The following MYO7A variants were observed in gnomAD, a reference collection of about 807,000 sequenced individuals.
MYO7A encodes the protein myosin VIIA.
Under a neutral mutation model 263.8 loss-of-function variants are expected in MYO7A, and 210 were observed. The ratio of observed to expected loss-of-function variants is 0.80; its 90% CI spans 0.71 to 0.89. The LOEUF (loss-of-function observed/expected upper bound fraction) is 0.89. MYO7A is among the 40% of genes least tolerant of loss of function. MYO7A has a pLI of 0.00. For synonymous variants in MYO7A, 1,239 were observed against 1,197.3 expected (o/e 1.03, Z -0.72); for missense variants, 2,820 against 2,968.3 (o/e 0.95, Z 1.16).
chr11:77,193,172 G>A (rs981909235), intron 31 of MYO7A, among the ~76,000 whole-genome samples: 2 of 150,258 alleles, frequency 1.3e-5, no homozygotes, highest in Non-Finnish European at 1.5e-5. Flanking sequence ...TGTTGGTGAT[G>A]GTGGAGGTAG....
intron 2 of MYO7A, among the ~76,000 whole-genome samples, chr11:77,133,035 G>A (rs782503072): frequency 2.0e-5 from 3 of 152,150 alleles, no homozygotes; most frequent in Non-Finnish European, 2.9e-5. Context: ...TGCCCTGGAG[G>A]AGTTCCCAGA....
Position 77,174,821 on chromosome 11 carries a change from C to A in MYO7A, c.2001C>A (p.Ile667=), listed in dbSNP as rs782026699. 1 of 1,613,318 alleles carries A rather than the reference C, an allele frequency of 6.2e-7. No individual in the cohort carries two copies. Among genetic ancestry groups the A allele is most frequent in the African/African-American group, 1.3e-5 (1 of 75,060 alleles). The change falls in exon 17 of 49, where the codon ATC becomes ATA. Residue 667 remains isoleucine, a synonymous_variant. Transcript: ENST00000409709. ...CAGGAATGATGGAGACCATCCGAAT[C>A]CGCCGAGCTGGCTACCCCATCCGCT... is the stretch of plus-strand genomic sequence containing the variant. ...RYSGMMETIR[I]RRAGYPIRYS... is the part of the protein sequence containing the mutation.
At chr11:77,131,701 T>C (rs1555046108) in intron 2 of MYO7A, among the ~76,000 whole-genome samples, 1 of 152,154 alleles carries the variant, frequency 6.6e-6, no homozygotes, top group Non-Finnish European at 1.5e-5. Context: ...CACCCCCTCC[T>C]CTCCTGCCCC....
At chr11:77,133,981 G>A (rs1950841886) in intron 2 of MYO7A, among the ~76,000 whole-genome samples, 2 of 152,158 alleles carry the variant, frequency 1.3e-5, no homozygotes, top group South Asian at 4.1e-4. Context: ...CCATGCTGGA[G>A]TGCAATGACA....
intron 2 of MYO7A, among the ~76,000 whole-genome samples, chr11:77,132,678 G>C (rs918428642): frequency 6.6e-6 from 1 of 152,010 alleles, no homozygotes; most frequent in African/African-American, 2.4e-5. Context: ...TAATAAAGAC[G>C]GGGTTTCACC....
intron 4 of MYO7A, among the ~76,000 whole-genome samples, chr11:77,154,967 C>G (rs1952309232): frequency 1.3e-5 from 2 of 152,274 alleles, no homozygotes; most frequent in South Asian, 4.1e-4. Flanking sequence ...ATGCACTGAG[C>G]CCTGAATGGG....
At chr11:77,131,277 A>G (rs1354207535) in intron 2 of MYO7A, among the ~76,000 whole-genome samples, 1 of 152,206 alleles carries the variant, frequency 6.6e-6, no homozygotes, top group Non-Finnish European at 1.5e-5. Flanking sequence ...AGCAGGCCGT[A>G]GGGCTTGTGG....
Position 77,155,911 on chromosome 11 carries a change from A to C in MYO7A, c.290A>C (p.Tyr97Ser). 6.2e-7 allele frequency: 1 copy of C among 1,601,010 alleles called. No homozygotes were observed. Among genetic ancestry groups the C allele is most frequent in the Non-Finnish European group, 8.5e-7 (1 of 1,172,512 alleles). Residue 97 changes from tyrosine (Y) to serine (S), a missense_variant, in exon 5 of 49, where the codon TAT becomes TCT. Tyr to Ser is a moderately radical substitution (Grantham distance 144). Transcript: ENST00000409709. ...CCCATCTCTTGCTGCCCGCAGACGT[A>C]TACGGGCTCCATCCTGGTGGCTGTG... Reference protein sequence around the residue: ...IRYRDHLIYTYTGSILVAVNP... With the variant: ...IRYRDHLIYTSTGSILVAVNP...
intron 19 of MYO7A, 66 bp downstream of exon 19, chr11:77,177,709 C>T (rs1483776715): frequency 6.7e-6 from 9 of 1,337,802 alleles, no homozygotes; most frequent in Middle Eastern, 1.8e-4. Context: ...GTGTTTGGCT[C>T]TCCTCTGCTC....
At chr11:77,182,271 C>G (rs111670100) in intron 24 of MYO7A, 117 bp downstream of exon 24, 4 of 1,460,392 alleles carry the variant, frequency 2.7e-6, no homozygotes, top group Non-Finnish European at 3.7e-6. Context: ...GGCCAGGGAC[C>G]AGGTCTGACT....
chr11:77,173,675 G>C (rs79943112), intron 16 of MYO7A, among the ~76,000 whole-genome samples: 3,032 of 152,266 alleles, frequency 0.02, 100 homozygotes, highest in African/African-American at 0.068. Context: ...CGGGATCTGG[G>C]GAGGGAAGGA....
intron 15 of MYO7A, among the ~76,000 whole-genome samples, chr11:77,167,238 C>G (rs1360274386): frequency 6.6e-6 from 1 of 152,148 alleles, no homozygotes; most frequent in South Asian, 2.1e-4. Context: ...AGGGGCAAGG[C>G]TTGCCCAGGG....
intron 22 of MYO7A, 127 bp from the exon 23 acceptor site, chr11:77,181,253 T>TC: frequency 1.2e-6 from 1 of 807,000 alleles, no homozygotes; most frequent in South Asian, 1.9e-5. Flanking sequence ...GCTCCATTCT[T>TC]CCCAGCGGTC....
chr11:77,198,584 C>G lies in MYO7A; in HGVS notation c.4531C>G (p.Leu1511Val). Residue 1511 changes from leucine (L) to valine (V), a missense_variant, in exon 34 of 49, where the codon CTG becomes GTG. Transcript: ENST00000409709. ...VDEQEQVLLE[L>V]SFPEIMAVSS... ...TGAGCAGGAGCAGGTACTTCTGGAG[C>G]TGTCCTTCCCAGAGATCATGGCCGT... 6.2e-7 allele frequency: 1 copy of G among 1,613,916 alleles called. No homozygotes were observed. The highest frequency in any genetic ancestry group is 8.5e-7 in the Non-Finnish European group (1 of 1,179,888).
rs1952682731 is a variant in MYO7A, at chr11:77,158,294, T to C, written c.867T>C (p.Cys289=). Residue 289 remains cysteine (C), a synonymous_variant, in exon 9 of 49, where the codon TGT becomes TGC. Transcript: ENST00000409709. ...CCCACCAGGGTAACTGCATAACCTGTGAGGGCCGGGTGGACAGCCAGGAGT... is the reference window on the plus strand; with the variant it reads ...CCCACCAGGGTAACTGCATAACCTGCGAGGGCCGGGTGGACAGCCAGGAGT... ...NYLAMGNCIT[C]EGRVDSQEYA... The C allele has an allele frequency of 6.2e-7, 1 of 1,608,276 alleles. No homozygotes were observed. The highest frequency in any genetic ancestry group is 8.5e-7 in the Non-Finnish European group (1 of 1,176,186).
chr11:77,176,504 A>G (rs547626304), intron 18 of MYO7A, among the ~76,000 whole-genome samples: 1 of 152,300 alleles, frequency 6.6e-6, no homozygotes, highest in African/African-American at 2.4e-5. Flanking sequence ...GGAAGCAGGG[A>G]GCAGGACTTC....
Position 77,199,757 on chromosome 11 carries a change from C to A in MYO7A, c.4791C>A (p.Phe1597Leu), listed in dbSNP as rs1956933257. 1 of 1,612,622 alleles carries A rather than the reference C, an allele frequency of 6.2e-7. No homozygotes were observed. Among genetic ancestry groups the A allele is most frequent in the Non-Finnish European group, 8.5e-7 (1 of 1,179,010 alleles). ...ACATTCGTGACCTGGTGGTCACCTT[C>A]CTAGAGGGGCTCCGGAAGAGATCTA... ...AEDIRDLVVT[F>L]LEGLRKRSKY... Residue 1597 changes from phenylalanine (F) to leucine (L), a missense_variant, in exon 35 of 49, where the codon TTC becomes TTA. Phe to Leu is a conservative substitution (Grantham distance 22). Transcript: ENST00000409709.
chr11:77,154,388 G>A (rs1216202982), intron 4 of MYO7A, among the ~76,000 whole-genome samples: 2 of 152,150 alleles, frequency 1.3e-5, no homozygotes, highest in Non-Finnish European at 1.5e-5. Flanking sequence ...TGGGCTGGGG[G>A]TCCACAGGTC....
At chr11:77,213,122 T>C (rs1957981188) in intron 47 of MYO7A, 87 bp downstream of exon 47, 1 of 1,041,426 alleles carries the variant, frequency 9.6e-7, no homozygotes, top group Non-Finnish European at 1.4e-6. Flanking sequence ...CAAGCCCTCC[T>C]AGCCACCATC....
Sources: gnomAD v4.1 joint callset for allele counts (sites outside exome capture counted in the v4.1 genomes callset) on GRCh38, gnomAD v4.1.1 for gene constraint, MANE v1.5 for transcripts, NCBI Gene and HGNC (gene_info 2026-07-23, HGNC 2026-07-21) for gene names.